The following CFAP91 variants were observed in gnomAD, a reference collection of about 807,000 sequenced individuals.
CFAP91 encodes the protein cilia and flagella associated protein 91, also known as cilia- and flagella-associated protein 91.
CFAP91 carries 85 observed loss-of-function variants against 95.9 expected under a neutral mutation model. The observed-to-expected ratio is 0.89, with a 90% CI of 0.74 to 1.06. CFAP91 has a LOEUF of 1.06. CFAP91 is among the 50% of genes least tolerant of loss of function. CFAP91 has a pLI of 0.00. For missense variants in CFAP91, 962 were observed against 943.4 expected (o/e 1.02, Z -0.26); for synonymous variants, 335 against 327.5 (o/e 1.02, Z -0.25).
intron 6 of CFAP91, among the ~76,000 whole-genome samples, chr3:119,722,654 A>G (rs965617107): frequency 5.9e-5 from 9 of 151,970 alleles, no homozygotes; most frequent in African/African-American, 2.2e-4. Flanking sequence ...ATGCCATGCT[A>G]ATTAAAAAAA....
chr3:119,745,598 T>C (rs1231737798), intron 14 of CFAP91, among the ~76,000 whole-genome samples: 2 of 152,270 alleles, frequency 1.3e-5, no homozygotes, highest in African/African-American at 4.8e-5. Flanking sequence ...TAGTAAACTT[T>C]CCACCTCTCT....
In CFAP91 at chr3:119,766,740, C is replaced by T. The variant is rs1440939266; in HGVS notation, c.*1690C>T. On this transcript the variant is annotated 3_prime_UTR_variant, in exon 18 of 18. Transcript: ENST00000273390. ...ACTCGATGACACAGAAATGAATGCA[C>T]ATGACTGTGTTCCAGTAAAATTTTA... The T allele has an allele frequency of 6.6e-6, 1 of 152,058 alleles. No homozygotes were observed. The highest frequency in any genetic ancestry group is 1.9e-4 in the East Asian group (1 of 5,196). 9.4% of individuals were successfully genotyped at this position (152,058 alleles called of 1,614,324 possible). A position where few individuals can be genotyped will look rare whatever the true frequency, so the allele number is the denominator to read the frequency against.
chr3:119,736,268 G>GTTTTTTTTC (rs1553709194), intron 10 of CFAP91, among the ~76,000 whole-genome samples: 9 of 85,326 alleles, frequency 1.1e-4, no homozygotes, highest in African/African-American at 4.4e-4. Context: ...TCTTTCTATT[G>GTTTTTTTTC]TTTTTTTTTT....
intron 10 of CFAP91, among the ~76,000 whole-genome samples, chr3:119,734,485 C>T (rs1176941683): frequency 2.6e-5 from 4 of 151,668 alleles, no homozygotes; most frequent in Middle Eastern, 3.4e-3. Flanking sequence ...TCTTAATTTA[C>T]TAAAGCCTTT....
chr3:119,739,189 A>G (rs2054068712), intron 11 of CFAP91, 66 bp from the exon 12 acceptor site: 4 of 1,381,316 alleles, frequency 2.9e-6, no homozygotes, highest in Non-Finnish European at 3.1e-6. Flanking sequence ...TAAGTCTTCA[A>G]AAGAATATTT....
intron 7 of CFAP91, among the ~76,000 whole-genome samples, chr3:119,729,672 T>C (rs576561801): frequency 6.6e-6 from 1 of 151,310 alleles, no homozygotes; most frequent in South Asian, 2.1e-4. Context: ...AAAAAAGAAA[T>C]ATCTAAGCTG....
intron 6 of CFAP91, among the ~76,000 whole-genome samples, chr3:119,722,576 AC>A (rs1181041332): frequency 6.6e-6 from 1 of 152,108 alleles, no homozygotes; most frequent in Admixed American, 6.6e-5. Context: ...GCAGCCTCAA[AC>A]CCTATGGCTC....
chr3:119,744,203 AG>A lies in CFAP91; in HGVS notation c.1902+11del. 1 of 1,604,958 alleles carries A rather than the reference AG, an allele frequency of 6.2e-7. No homozygotes were observed. The highest frequency in any genetic ancestry group is 8.5e-7 in the Non-Finnish European group (1 of 1,173,978). ...GGACGAGATATTTAAGGAGGCAAGT[AG>A]GGGCAGCTGGGTGTGTGGAAGCTGC... On this transcript the variant is annotated splice_region_variant and intron_variant, in intron 14 of 17. Transcript: ENST00000273390.
chr3:119,712,035 A>G lies in CFAP91; in HGVS notation c.500+2140A>G, dbSNP rs139006238. ...AACACATAGAGCAGCCCTGGCTGCC[A>G]TAAGAGTACTAAAGCCAGAGCAGGT... On this transcript the variant is annotated intron_variant, in intron 5 of 17. Coordinates refer to ENST00000273390, the MANE Select transcript of CFAP91 (RefSeq NM_033364.4). Among the ~76,000 whole-genome samples, 330 of 152,336 alleles carry G rather than the reference A, an allele frequency of 2.2e-3. 3 individuals carry two copies. Among genetic ancestry groups the G allele is most frequent in the African/African-American group, 6.5e-3 (269 of 41,584 alleles).
intron 6 of CFAP91, among the ~76,000 whole-genome samples, chr3:119,725,684 G>T (rs2107878226): frequency 6.6e-6 from 1 of 152,062 alleles, no homozygotes; most frequent in East Asian, 1.9e-4. Flanking sequence ...TTGTGCCTGG[G>T]AGGTCAAGGC....
At position 119,713,089 on chromosome 3, in the gene CFAP91, TTATTTATTTA is replaced by T. The variant is rs2053505378; in HGVS notation, c.501-2471_501-2462del. 4 of 15,550 alleles carry T rather than the reference TTATTTATTTA, an allele frequency of 2.6e-4. No individual in the cohort carries two copies. In the Non-Finnish European group the frequency reaches 4.5e-3, roughly 18 times the overall value. 1.0% of individuals were successfully genotyped at this position (15,550 alleles called of 1,614,324 possible). ...TAAAAAATTTTTATTTTATTTTTAT[TTATTTATTTA>T]TTTATTTATTTATTTATTTATTTAT... On this transcript the variant is annotated intron_variant, in intron 5 of 17. Coordinates refer to ENST00000273390, the MANE Select transcript of CFAP91 (RefSeq NM_033364.4).
At position 119,715,623 on chromosome 3, in the gene CFAP91, A is replaced by G. The variant is rs1224656418; in HGVS notation, c.562A>G (p.Thr188Ala). ...GCACCTATCCATCCCTTCAAAGTCT[A>G]CTGTGGGCACTCAGACTGATTATCG... ...TKHLSIPSKS[T>A]VGTQTDYRDA... is the part of the protein sequence containing the mutation. Residue 188 changes from threonine (T) to alanine (A), a missense_variant, in exon 6 of 18, where the codon ACT becomes GCT. By Grantham distance (58) the Thr-to-Ala change is moderately conservative (BLOSUM62 0). Coordinates refer to ENST00000273390, the MANE Select transcript of CFAP91 (RefSeq NM_033364.4). The G allele has an allele frequency of 6.2e-7, 1 of 1,613,762 alleles. No homozygotes were observed. Among genetic ancestry groups the G allele is most frequent in the Admixed American group, 1.7e-5 (1 of 60,006 alleles).
At chr3:119,758,471 G>T (rs2054475012) in intron 17 of CFAP91, among the ~76,000 whole-genome samples, 1 of 152,096 alleles carries the variant, frequency 6.6e-6, no homozygotes, top group South Asian at 2.1e-4. Context: ...TATTTTCTGA[G>T]CCTAAACTAC....
intron 5 of CFAP91, among the ~76,000 whole-genome samples, chr3:119,714,125 G>A (rs1352533189): frequency 6.6e-6 from 1 of 152,098 alleles, no homozygotes; most frequent in Non-Finnish European, 1.5e-5. Context: ...CACTTTGGGA[G>A]GCAGAGACGG....
chr3:119,755,046 C>A (rs1392359299), intron 17 of CFAP91, among the ~76,000 whole-genome samples: 1 of 152,194 alleles, frequency 6.6e-6, no homozygotes, highest in African/African-American at 2.4e-5. Context: ...ATGCCTCTCC[C>A]ACCATAGCAT....
chr3:119,722,093 C>T (rs151029719), intron 6 of CFAP91, among the ~76,000 whole-genome samples: 6 of 150,922 alleles, frequency 4.0e-5, no homozygotes, highest in Admixed American at 1.3e-4. Context: ...TTGCTTGAGC[C>T]CAGGGGTTCA....
chr3:119,703,211 A>G lies in CFAP91; in HGVS notation c.113A>G (p.Asp38Gly), dbSNP rs766566076. The G allele has an allele frequency of 1.2e-6, 2 of 1,612,082 alleles. No homozygotes were observed. Among genetic ancestry groups the G allele is most frequent in the Non-Finnish European group, 1.7e-6 (2 of 1,179,212 alleles). ...GSHISSNRAY[D>G]FLYDPLFIVS... is the part of the protein sequence containing the mutation. ...CACATCTCCTCCAATCGAGCGTATG[A>G]TTTTCTGTACGGTAAGGACCGCCGC... is the stretch of plus-strand genomic sequence containing the variant. Residue 38 changes from aspartate to glycine, a missense_variant, in exon 1 of 18, where the codon GAT becomes GGT. Asp to Gly is a moderately conservative substitution (Grantham distance 94, BLOSUM62 -1). Coordinates refer to ENST00000273390, the MANE Select transcript of CFAP91 (RefSeq NM_033364.4).
chr3:119,752,403 A>G (rs1187342613), intron 17 of CFAP91: 7 of 152,236 alleles, frequency 4.6e-5, no homozygotes, highest in Admixed American at 4.6e-4. Flanking sequence ...AGAGAAAGCT[A>G]ATAAGTGACT....
Position 119,708,675 on chromosome 3 carries a change from G to T in CFAP91, c.443+1G>T. On this transcript the variant is annotated splice_donor_variant, in intron 4 of 17. Transcript: ENST00000273390. LOFTEE classifies it high-confidence loss of function. ...AGAATCGCTATAAATACTTTGAAAG[G>T]TAGAACATAATTACTAATGAATATT... is the stretch of plus-strand genomic sequence containing the variant. 6.6e-7 allele frequency: 1 copy of T among 1,519,788 alleles called. No individual in the cohort carries two copies. The highest frequency in any genetic ancestry group is 9.1e-7 in the Non-Finnish European group (1 of 1,104,102). The allele number at this position is 1,519,788 out of a possible 1,614,324, so 94.1% of individuals were successfully genotyped here. A position where few individuals can be genotyped will look rare whatever the true frequency, so the allele number is the denominator to read the frequency against.
Sources: gnomAD v4.1 joint callset for allele counts (sites outside exome capture counted in the v4.1 genomes callset) on GRCh38, gnomAD v4.1.1 for gene constraint, MANE v1.5 for transcripts, NCBI Gene and HGNC (gene_info 2026-07-23, HGNC 2026-07-21) for gene names.